SCN2A: variants seen among roughly 807,000 people sequenced by gnomAD.
The protein encoded by SCN2A is sodium channel protein type 2 subunit alpha.
A neutral mutation model predicts 188.7 loss-of-function variants in SCN2A; 20 were observed. The ratio of observed to expected loss-of-function variants is 0.11; its 90% confidence interval spans 0.07 to 0.15. The LOEUF (loss-of-function observed/expected upper bound fraction) is 0.15, where lower values mean the gene tolerates loss of function less well. Ranked by LOEUF, SCN2A falls within the 10% of genes least tolerant of loss-of-function variation. SCN2A has a pLI of 1.00. For synonymous variants in SCN2A, 804 were observed against 833.1 expected (o/e 0.97, Z 0.60); for missense variants, 1,278 against 2,445.0 (o/e 0.52, Z 10.07).
chr2:165,362,321 A>C (rs1244806750), intron 17 of SCN2A, among the ~76,000 whole-genome samples: 1 of 152,084 alleles, frequency 6.6e-6, no homozygotes, highest in Non-Finnish European at 1.5e-5. Flanking sequence ...AGCAATGTTA[A>C]TTCTTCTACT....
intron 10 of SCN2A, among the ~76,000 whole-genome samples, chr2:165,315,242 G>A (rs1697667795): frequency 6.6e-6 from 1 of 152,114 alleles, no homozygotes; most frequent in African/African-American, 2.4e-5. Context: ...CATAGTGTGA[G>A]GACAGAGCTT....
chr2:165,261,919 T>C (rs1384311395), intron 1 of SCN2A, among the ~76,000 whole-genome samples: 2 of 152,152 alleles, frequency 1.3e-5, no homozygotes, highest in African/African-American at 4.8e-5. Context: ...TCAGTTGAAA[T>C]TATCTCTATT....
intron 17 of SCN2A, among the ~76,000 whole-genome samples, chr2:165,356,192 G>A (rs2105340429): frequency 6.6e-6 from 1 of 152,118 alleles, no homozygotes; most frequent in South Asian, 2.1e-4. Context: ...TAAATAACAG[G>A]GACATAGGTA....
chr2:165,382,779 A>C (rs894135492), intron 25 of SCN2A, among the ~76,000 whole-genome samples: 19 of 152,170 alleles, frequency 1.2e-4, no homozygotes, highest in African/African-American at 4.3e-4. Flanking sequence ...TCCAGACTGA[A>C]ATAAGGATTT....
At chr2:165,273,211 T>C (rs1240654149) in intron 1 of SCN2A, 1 of 152,162 alleles carries the variant, frequency 6.6e-6, no homozygotes, top group African/African-American at 2.4e-5. Flanking sequence ...ATAGTCTAGA[T>C]AGTGTTAATA....
intron 1 of SCN2A, among the ~76,000 whole-genome samples, chr2:165,246,424 A>G (rs1693849025): frequency 6.6e-6 from 1 of 152,122 alleles, no homozygotes; most frequent in Admixed American, 6.6e-5. Flanking sequence ...CATGGCCAGT[A>G]ACTGTGGCCT....
intron 16 of SCN2A, among the ~76,000 whole-genome samples, chr2:165,348,869 T>C (rs1002476571): frequency 6.6e-6 from 1 of 152,194 alleles, no homozygotes; most frequent in East Asian, 1.9e-4. Context: ...CCTTATGATA[T>C]GGCAGCTGGC....
At chr2:165,256,306 A>G (rs1694324432) in intron 1 of SCN2A, among the ~76,000 whole-genome samples, 1 of 151,836 alleles carries the variant, frequency 6.6e-6, no homozygotes, top group Non-Finnish European at 1.5e-5. Flanking sequence ...CACCTGGCCT[A>G]TTTTCTTTAA....
At chr2:165,328,748 G>C (rs1284311033) in intron 13 of SCN2A, among the ~76,000 whole-genome samples, 2 of 152,170 alleles carry the variant, frequency 1.3e-5, no homozygotes, top group Non-Finnish European at 1.5e-5. Flanking sequence ...CTAGGAATAA[G>C]TGCAATCTAG....
At chr2:165,313,290 G>A (rs1394436000) in intron 8 of SCN2A, among the ~76,000 whole-genome samples, 1 of 152,036 alleles carries the variant, frequency 6.6e-6, no homozygotes, top group Non-Finnish European at 1.5e-5. Flanking sequence ...GACATCCTCA[G>A]TGAAAATCAA....
At chr2:165,357,502 G>A (rs1008467127) in intron 17 of SCN2A, among the ~76,000 whole-genome samples, 3 of 152,070 alleles carry the variant, frequency 2.0e-5, no homozygotes, top group African/African-American at 2.4e-5. Context: ...TAAGTCCTCT[G>A]CAATGTCTTT....
At chr2:165,249,225 A>C (rs1288196822) in intron 1 of SCN2A, among the ~76,000 whole-genome samples, 1 of 152,122 alleles carries the variant, frequency 6.6e-6, no homozygotes, top group Non-Finnish European at 1.5e-5. Flanking sequence ...ATGCTGTTTT[A>C]GTCATAGGAT....
chr2:165,280,301 A>G (rs566413318), intron 1 of SCN2A, among the ~76,000 whole-genome samples: 2 of 152,306 alleles, frequency 1.3e-5, no homozygotes, highest in East Asian at 3.9e-4. Flanking sequence ...ACTCTGTGCC[A>G]GGGATTGTCC....
chr2:165,315,354 AAAAT>A, intron 10 of SCN2A, 113 bp from the exon 11 acceptor site: 15 of 1,502,404 alleles, frequency 1.0e-5, no homozygotes, highest in Non-Finnish European at 1.3e-5. Context: ...AACACAGAAT[AAAAT>A]GGAGAATTGT....
chr2:165,273,255 T>C (rs924874355), intron 1 of SCN2A: 1 of 152,188 alleles, frequency 6.6e-6, no homozygotes, highest in Non-Finnish European at 1.5e-5. Flanking sequence ...ATAAGTTAGA[T>C]GGTGATTAAA....
At chr2:165,351,634 C>T (rs6716702) in intron 16 of SCN2A, among the ~76,000 whole-genome samples, 110,816 of 151,806 alleles carry the variant, frequency 0.73, 40,731 homozygotes, top group African/African-American at 0.78. Context: ...GTAAGTTGTG[C>T]AGAAGCATTT....
chr2:165,239,701 C>T (rs1043310220), intron 1 of SCN2A, 61 bp downstream of exon 1: 1 of 757,142 alleles, frequency 1.3e-6, no homozygotes. Flanking sequence ...TTAAGAATGA[C>T]ATTTAATATA....
chr2:165,353,294 G>A (rs1399062025), intron 16 of SCN2A, among the ~76,000 whole-genome samples: 1 of 151,720 alleles, frequency 6.6e-6, no homozygotes, highest in African/African-American at 2.4e-5. Flanking sequence ...ATAAAAATTG[G>A]GACTTTTCAT....
chr2:165,246,847 T>A (rs902903231), intron 1 of SCN2A, among the ~76,000 whole-genome samples: 1 of 152,136 alleles, frequency 6.6e-6, no homozygotes, highest in Non-Finnish European at 1.5e-5. Flanking sequence ...CACATGTCCC[T>A]GGATCACTTA....
Sources: gnomAD v4.1 joint callset for allele counts (sites outside exome capture counted in the v4.1 genomes callset) on GRCh38, gnomAD v4.1.1 for gene constraint, MANE v1.5 for transcripts, NCBI Gene and HGNC (gene_info 2026-07-23, HGNC 2026-07-21) for gene names.